The following BCOR variants were observed in gnomAD, a reference collection of about 807,000 sequenced individuals.
BCOR encodes the protein BCL-6 corepressor.
A neutral mutation model predicts 86.7 loss-of-function variants in BCOR; 10 were observed. That is an observed-to-expected ratio of 0.12 (90% CI 0.07 to 0.20). BCOR has a LOEUF of 0.20. BCOR is among the 10% of genes least tolerant of loss of function. The pLI is 1.00. For missense variants in BCOR, 1,259 were observed against 1,452.1 expected, an observed-to-expected ratio of 0.87 and a Z score of 2.16; for synonymous variants, 611 against 609.0, an observed-to-expected ratio of 1.00 and a Z score of -0.05.
In BCOR at chrX:40,167,818, T is replaced by C. The variant is rs1938534403; in HGVS notation, c.-41+9189A>G. 2.7e-5 allele frequency among the ~76,000 whole-genome samples: 3 copies of C among 112,936 alleles called. No individual in the cohort carries two copies. In the Admixed American group the frequency reaches 2.8e-4, roughly 10 times the overall value. The stretch of plus-strand genomic sequence containing the variant: ...GCAACCCATAATTAGAGATGACCTT[T>C]GCGAAAGGCAATTAAAATATGGTAA... On this transcript the variant is annotated intron_variant, in intron 1 of 14. Coordinates refer to the BCOR transcript ENST00000342274.
upstream of BCOR, among the ~76,000 whole-genome samples, chrX:40,099,356 T>TCCGGACTAACCGCGCCCAGACTGCGGGC (rs1401436517): frequency 9.0e-6 from 1 of 111,110 alleles, no homozygotes; most frequent in Non-Finnish European, 1.9e-5. Flanking sequence ...GAGGGGGTAT[T>TCCGGACTAACCGCGCCCAGACTGCGGGC]CCGGACTAAC....
intron 10 of BCOR, 140 bp from the exon 11 acceptor site, chrX:40,057,461 T>C (rs1325978953): frequency 9.6e-6 from 6 of 626,514 alleles, no homozygotes; most frequent in Non-Finnish European, 1.5e-5. Flanking sequence ...GATGTCTTGG[T>C]GAGGGGGAAA....
chrX:40,117,528 TAGA>T (rs754710029), intron 1 of BCOR, among the ~76,000 whole-genome samples: 5 of 104,237 alleles, frequency 4.8e-5, no homozygotes, highest in Non-Finnish European at 7.6e-5. Flanking sequence ...CAAAGATAAA[TAGA>T]AGAAGTGGAA....
chrX:40,094,571 G>A (rs1259754679), intron 1 of BCOR, among the ~76,000 whole-genome samples: 1 of 113,474 alleles, frequency 8.8e-6, no homozygotes, highest in Non-Finnish European at 1.9e-5. Context: ...CCTAAACTGG[G>A]CGGGGAGCAC....
intron 1 of BCOR, among the ~76,000 whole-genome samples, chrX:40,081,104 A>C (rs1936088133): frequency 8.9e-6 from 1 of 111,759 alleles, no homozygotes; most frequent in African/African-American, 3.3e-5. Flanking sequence ...ATTTCATTGC[A>C]ACAAGCTAAA....
chrX:40,130,119 G>A (rs1045171725), intron 1 of BCOR, among the ~76,000 whole-genome samples: 1 of 111,541 alleles, frequency 9.0e-6, no homozygotes, highest in Non-Finnish European at 1.9e-5. Context: ...TGCCTCCCCT[G>A]CCCCAGCAAC....
chrX:40,099,996 A>G (rs1316790467), upstream of BCOR, among the ~76,000 whole-genome samples: 1 of 111,756 alleles, frequency 8.9e-6, no homozygotes, highest in Non-Finnish European at 1.9e-5. Flanking sequence ...AAGCCAACCC[A>G]CACATTTTTT....
In BCOR at chrX:40,097,208, C is replaced by A. The variant is rs1299095589; in HGVS notation, c.-41+7G>T. 1 of 98,668 alleles carries A rather than the reference C, an allele frequency of 1.0e-5. No homozygotes were observed. The highest frequency in any genetic ancestry group is 3.5e-4 in the East Asian group (1 of 2,842). The allele number at this position is 98,668 out of a possible 1,213,427, so 8.1% of individuals were successfully genotyped here. A position where few individuals can be genotyped will look rare whatever the true frequency, so the allele number is the denominator to read the frequency against. ...TCTCCCGGGGGAAAGGTGTTCCGGG[C>A]ACTGACCTGAAATCCCCGGTGGGGG... On this transcript the variant is annotated splice_region_variant and intron_variant, in intron 1 of 14. Transcript: ENST00000378444.
intron 1 of BCOR, among the ~76,000 whole-genome samples, chrX:40,114,663 G>A: frequency 9.0e-6 from 1 of 111,106 alleles, no homozygotes; most frequent in Non-Finnish European, 1.9e-5. Flanking sequence ...ACCTCTAACA[G>A]TAACTGTGTC....
chrX:40,051,997 A>C lies in BCOR; in HGVS notation c.*112T>G. ...TGGAGTAATTTCTCTTATATAAAGA[A>C]GAGATATTTTCATATGTAATAGTGT... On this transcript the variant is annotated 3_prime_UTR_variant, in exon 15 of 15. Coordinates refer to ENST00000378444, the MANE Select transcript of BCOR (RefSeq NM_001123385.2). The C allele has an allele frequency of 1.4e-6, 1 of 691,766 alleles. No individual in the cohort carries two copies. 57.0% of individuals were successfully genotyped at this position (691,766 alleles called of 1,213,427 possible).
chrX:40,072,161 C>T (rs1935505464), intron 4 of BCOR, 188 bp downstream of exon 4: 2 of 461,553 alleles, frequency 4.3e-6, no homozygotes, highest in Non-Finnish European at 3.7e-6. Flanking sequence ...TAACTTAAAG[C>T]ATCCAGACAC....
chrX:40,160,806 G>T (rs1462697922), intron 1 of BCOR, among the ~76,000 whole-genome samples: 1 of 104,728 alleles, frequency 9.5e-6, no homozygotes, highest in African/African-American at 3.5e-5. Context: ...TGGGACTACA[G>T]GCACACTCCG....
chrX:40,065,334 G>A (rs1935147207), intron 6 of BCOR, among the ~76,000 whole-genome samples: 1 of 112,975 alleles, frequency 8.9e-6, no homozygotes, highest in Non-Finnish European at 1.9e-5. Flanking sequence ...TTTGCTGGAT[G>A]CACAGATGTG....
Position 40,055,517 on chromosome X carries a change from G to A in BCOR, c.4596-4C>T, listed in dbSNP as rs2146893397. 8.3e-7 allele frequency: 1 copy of A among 1,211,163 alleles called. No individual in the cohort carries two copies. The highest frequency in any genetic ancestry group is 3.0e-5 in the East Asian group (1 of 33,825). ...CTCAACAGCATCGTGCAGAGGCCTA[G>A]GAAGAGAGGCGCAATAGAATTATGC... On this transcript the variant is annotated splice_polypyrimidine_tract_variant and splice_region_variant and intron_variant, in intron 11 of 14. Coordinates refer to ENST00000378444, the MANE Select transcript of BCOR (RefSeq NM_001123385.2).
In BCOR at chrX:40,082,727, T is replaced by C. The variant is rs182211059; in HGVS notation, c.-40-4758A>G. Among the ~76,000 whole-genome samples, 173 of 112,124 alleles carry C rather than the reference T, an allele frequency of 1.5e-3. 4 individuals are homozygous for C. Among genetic ancestry groups the C allele is most frequent in the Non-Finnish European group, 4.0e-4 (21 of 53,157 alleles). On this transcript the variant is annotated intron_variant, in intron 1 of 14. Coordinates refer to ENST00000378444, the MANE Select transcript of BCOR (RefSeq NM_001123385.2). ...CCAACCTTGGTCCCCTCTGTAAATA[T>C]TTGGCACTGTGTTTTCCAAAGGATT...
intron 1 of BCOR, among the ~76,000 whole-genome samples, chrX:40,135,393 CT>C (rs367942561): frequency 1.3e-3 from 135 of 101,672 alleles, no homozygotes; most frequent in South Asian, 2.2e-3. Context: ...TCCTTCTTTT[CT>C]TTTTTTTTTT....
intron 1 of BCOR, among the ~76,000 whole-genome samples, chrX:40,124,643 C>T (rs1168275429): frequency 9.1e-6 from 1 of 110,249 alleles, no homozygotes; most frequent in East Asian, 2.8e-4. Flanking sequence ...CACTCTGTCA[C>T]CCAGGCTGGA....
chrX:40,149,042 T>G (rs2147983216), intron 1 of BCOR, among the ~76,000 whole-genome samples: 1 of 110,210 alleles, frequency 9.1e-6, no homozygotes, highest in African/African-American at 3.3e-5. Flanking sequence ...CAACAGCCCC[T>G]GCTCTTTCCA....
chrX:40,061,736 C>T (rs113375925), intron 10 of BCOR, among the ~76,000 whole-genome samples: 25 of 103,910 alleles, frequency 2.4e-4, no homozygotes, highest in African/African-American at 7.8e-4. Context: ...ACCCTTCCAC[C>T]CGAAACAGTA....
Sources: gnomAD v4.1 joint callset for allele counts (sites outside exome capture counted in the v4.1 genomes callset) on GRCh38, gnomAD v4.1.1 for gene constraint, MANE v1.5 for transcripts, NCBI Gene and HGNC (gene_info 2026-07-23, HGNC 2026-07-21) for gene names.